TMEM132D: variants seen among roughly 807,000 people sequenced by gnomAD.
TMEM132D encodes the protein mature OL transmembrane protein.
Under a neutral mutation model 62.3 loss-of-function variants are expected in TMEM132D, and 21 were observed. That is an observed-to-expected ratio of 0.34 (90% CI 0.24 to 0.49). The LOEUF (loss-of-function observed/expected upper bound fraction) is 0.49, where lower values mean the gene tolerates loss of function less well. Ranked by LOEUF, TMEM132D falls within the 20% of genes least tolerant of loss-of-function variation. The pLI, the probability that TMEM132D is intolerant of heterozygous loss-of-function variation, is 0.99. For missense variants in TMEM132D, 1,346 were observed against 1,402.8 expected (o/e 0.96, Z 0.65); for synonymous variants, 621 against 575.6 (o/e 1.08, Z -1.13).
intron 1 of TMEM132D, among the ~76,000 whole-genome samples, chr12:129,773,763 G>T (rs1870832478): frequency 6.6e-6 from 1 of 152,182 alleles, no homozygotes; most frequent in East Asian, 1.9e-4. Flanking sequence ...GGACATTCTT[G>T]GTTGGAAGTA....
At chr12:129,800,764 C>T (rs900900136) in intron 1 of TMEM132D, among the ~76,000 whole-genome samples, 12 of 152,242 alleles carry the variant, frequency 7.9e-5, no homozygotes, top group Admixed American at 2.0e-4. Context: ...GCGAGAGCGA[C>T]GCAGAAGACG....
intron 4 of TMEM132D, among the ~76,000 whole-genome samples, chr12:129,289,099 G>A (rs1271915791): frequency 6.6e-6 from 1 of 152,006 alleles, no homozygotes; most frequent in Non-Finnish European, 1.5e-5. Context: ...CAGGGATGGG[G>A]GTATCGGGGG....
chr12:129,361,884 AAC>A (rs1477853932), intron 3 of TMEM132D, among the ~76,000 whole-genome samples: 3 of 152,220 alleles, frequency 2.0e-5, no homozygotes, highest in African/African-American at 7.2e-5. Flanking sequence ...GGCACTTCAA[AAC>A]ACGCGATGTG....
chr12:129,859,228 G>T (rs1873810341), intron 1 of TMEM132D, among the ~76,000 whole-genome samples: 1 of 152,220 alleles, frequency 6.6e-6, no homozygotes, highest in African/African-American at 2.4e-5. Flanking sequence ...CCAGGATAGA[G>T]ACTGTGGTCG....
intron 1 of TMEM132D, among the ~76,000 whole-genome samples, chr12:129,753,486 G>A (rs1324257684): frequency 6.6e-6 from 1 of 152,100 alleles, no homozygotes; most frequent in Non-Finnish European, 1.5e-5. Context: ...AAGATTCCAG[G>A]AAAAACGCTG....
intron 2 of TMEM132D, among the ~76,000 whole-genome samples, chr12:129,630,032 ATTG>A (rs947192017): frequency 4.6e-5 from 7 of 152,232 alleles, no homozygotes; most frequent in Non-Finnish European, 1.0e-4. Flanking sequence ...GGCTGGTTCC[ATTG>A]TTGTTGTTGT....
At chr12:129,271,975 G>A (rs1244755098) in intron 4 of TMEM132D, among the ~76,000 whole-genome samples, 1 of 151,860 alleles carries the variant, frequency 6.6e-6, no homozygotes, top group African/African-American at 2.4e-5. Context: ...AGATCTTTGA[G>A]GAATTGCCAC....
At position 129,257,088 on chromosome 12, in the gene TMEM132D, G is replaced by A. The variant is rs1285622611; in HGVS notation, c.1300-47425C>T. On this transcript the variant is annotated intron_variant, in intron 4 of 8. Coordinates refer to ENST00000422113, the MANE Select transcript of TMEM132D (RefSeq NM_133448.3). ...CATATCATGGGTGTCTGAGAAGAAG[G>A]GTGTCTCCCAGAGAAATAAACTCAA... Among the ~76,000 whole-genome samples, 3 of 152,088 alleles carry A rather than the reference G, an allele frequency of 2.0e-5. No individual in the cohort carries two copies. In the East Asian group the frequency reaches 5.8e-4, roughly 29 times the overall value.
chr12:129,659,149 T>C lies in TMEM132D; in HGVS notation c.968+40661A>G, dbSNP rs143497018. ...CTGATCTTGAACTTTAGCAGTCATC[T>C]TGGAAGTGGGTCATCCTCCACCAGC... On this transcript the variant is annotated intron_variant, in intron 2 of 8. Transcript: ENST00000422113. Among the ~76,000 whole-genome samples, 361 of 152,278 alleles carry C rather than the reference T, an allele frequency of 2.4e-3. 1 individual carries two copies. Among genetic ancestry groups the C allele is most frequent in the African/African-American group, 8.3e-3 (346 of 41,566 alleles).
chr12:129,686,872 C>T (rs1342641340), intron 2 of TMEM132D, among the ~76,000 whole-genome samples: 5 of 152,208 alleles, frequency 3.3e-5, no homozygotes, highest in Non-Finnish European at 5.9e-5. Context: ...ATCAATGGCC[C>T]TATCTCAACT....
chr12:129,189,746 G>A (rs1405774077), intron 5 of TMEM132D, among the ~76,000 whole-genome samples: 2 of 152,148 alleles, frequency 1.3e-5, no homozygotes, highest in Admixed American at 1.3e-4. Context: ...AGTCTGGTCT[G>A]CTGGGATATT....
intron 2 of TMEM132D, among the ~76,000 whole-genome samples, chr12:129,695,536 G>A (rs1881184868): frequency 6.6e-6 from 1 of 152,208 alleles, no homozygotes; most frequent in Admixed American, 6.5e-5. Flanking sequence ...CATGTCACTG[G>A]ACATTGGTAT....
At chr12:129,647,449 A>G (rs1879816289) in intron 2 of TMEM132D, among the ~76,000 whole-genome samples, 1 of 151,832 alleles carries the variant, frequency 6.6e-6, no homozygotes, top group Non-Finnish European at 1.5e-5. Flanking sequence ...GATGTAGGAG[A>G]GCTTCTGGGT....
chr12:129,408,879 C>A (rs1240830999), intron 3 of TMEM132D, among the ~76,000 whole-genome samples: 1 of 152,106 alleles, frequency 6.6e-6, no homozygotes, highest in Non-Finnish European at 1.5e-5. Context: ...AGGAGAGAGA[C>A]TGGGACACAT....
At chr12:129,199,377 C>T (rs111949690) in intron 5 of TMEM132D, among the ~76,000 whole-genome samples, 2 of 152,272 alleles carry the variant, frequency 1.3e-5, no homozygotes, top group African/African-American at 2.4e-5. Flanking sequence ...GTTGGGATTA[C>T]AGGTGTGAAC....
At chr12:129,330,619 G>C (rs1022148908) in intron 4 of TMEM132D, among the ~76,000 whole-genome samples, 1 of 152,188 alleles carries the variant, frequency 6.6e-6, no homozygotes, top group South Asian at 2.1e-4. Context: ...AGAGAGACCT[G>C]AGACAGCACA....
chr12:129,176,875 G>A (rs1229369061), intron 5 of TMEM132D, among the ~76,000 whole-genome samples: 1 of 152,238 alleles, frequency 6.6e-6, no homozygotes, highest in Admixed American at 6.5e-5. Context: ...AAAGTGCCAG[G>A]CACGGAGGTG....
chr12:129,515,119 G>A (rs1007425029), intron 3 of TMEM132D, among the ~76,000 whole-genome samples: 1 of 152,110 alleles, frequency 6.6e-6, no homozygotes, highest in African/African-American at 2.4e-5. Context: ...CGTAAGCACT[G>A]TGTGTACAGG....
intron 2 of TMEM132D, among the ~76,000 whole-genome samples, chr12:129,687,085 C>T (rs1332041587): frequency 1.3e-5 from 2 of 152,170 alleles, no homozygotes. Flanking sequence ...GCAAGGTTGT[C>T]CTGAGTACTG....
Sources: allele counts gnomAD v4.1 joint callset (sites outside exome capture counted in the v4.1 genomes callset), GRCh38; gene constraint gnomAD v4.1.1; transcripts MANE v1.5; gene names NCBI Gene and HGNC (gene_info 2026-07-23, HGNC 2026-07-21).